ZNF407: variants seen among roughly 807,000 people sequenced by gnomAD.
ZNF407 encodes zinc finger protein 407.
Under a neutral mutation model 131.2 loss-of-function variants are expected in ZNF407, and 17 were observed. That is an observed-to-expected ratio of 0.13 (90% CI 0.09 to 0.19). The LOEUF is 0.19. Ranked by LOEUF, ZNF407 falls within the 10% of genes least tolerant of loss-of-function variation. ZNF407 has a pLI of 1.00. For missense variants in ZNF407, 2,681 were observed against 2,830.6 expected (o/e 0.95, Z 1.20); for synonymous variants, 1,156 against 1,062.0 (o/e 1.09, Z -1.72).
At chr18:74,711,861 CCACCA>C (rs1016758610) in intron 3 of ZNF407, among the ~76,000 whole-genome samples, 1 of 152,070 alleles carries the variant, frequency 6.6e-6, no homozygotes, top group African/African-American at 2.4e-5. Flanking sequence ...CAGGCACGTG[CCACCA>C]CACCCGATTA....
intron 3 of ZNF407, among the ~76,000 whole-genome samples, chr18:74,717,606 G>T (rs17055464): frequency 6.6e-6 from 1 of 151,990 alleles, no homozygotes; most frequent in Non-Finnish European, 1.5e-5. Context: ...GATTTTATTC[G>T]CTTATGTTTG....
intron 5 of ZNF407, among the ~76,000 whole-genome samples, chr18:74,879,318 T>G (rs2896869): frequency 5.9e-5 from 9 of 152,002 alleles, no homozygotes; most frequent in Admixed American, 5.9e-4. Flanking sequence ...TTGAATGATA[T>G]GGCACAAACA....
chr18:74,777,635 T>C (rs894149779), intron 3 of ZNF407, among the ~76,000 whole-genome samples: 7 of 152,232 alleles, frequency 4.6e-5, no homozygotes, highest in Non-Finnish European at 5.9e-5. Flanking sequence ...ATTACAAATA[T>C]ATATCCCAAA....
chr18:74,728,869 T>A (rs1968224102), intron 3 of ZNF407, among the ~76,000 whole-genome samples: 1 of 152,154 alleles, frequency 6.6e-6, no homozygotes, highest in Non-Finnish European at 1.5e-5. Flanking sequence ...CTTAAGTGCC[T>A]GGGGAATTTT....
chr18:74,919,046 G>A (rs557254443), intron 7 of ZNF407, among the ~76,000 whole-genome samples: 25 of 152,298 alleles, frequency 1.6e-4, no homozygotes, highest in African/African-American at 5.5e-4. Context: ...GAACACGTTT[G>A]CGTTTCAGCT....
At chr18:74,923,522 GT>G (rs1330588775) in intron 8 of ZNF407, among the ~76,000 whole-genome samples, 1 of 152,094 alleles carries the variant, frequency 6.6e-6, no homozygotes, top group Non-Finnish European at 1.5e-5. Flanking sequence ...CGGTTACAAT[GT>G]TTAGTTTGTT....
At chr18:74,910,105 A>T (rs576209188) in intron 7 of ZNF407, among the ~76,000 whole-genome samples, 15 of 152,322 alleles carry the variant, frequency 9.8e-5, no homozygotes, top group Admixed American at 3.9e-4. Flanking sequence ...TAGTGACAAC[A>T]TCATTTTTGG....
At chr18:74,829,921 G>A (rs1033445968) in intron 4 of ZNF407, among the ~76,000 whole-genome samples, 2 of 151,872 alleles carry the variant, frequency 1.3e-5, no homozygotes, top group Non-Finnish European at 2.9e-5. Context: ...CCTAATTCCC[G>A]TTGTGACTGT....
chr18:74,784,215 C>G (rs1252757102), intron 4 of ZNF407, among the ~76,000 whole-genome samples: 3 of 152,242 alleles, frequency 2.0e-5, no homozygotes, highest in Non-Finnish European at 2.9e-5. Context: ...TTTAATTTCT[C>G]CAGGACAGTA....
intron 3 of ZNF407, among the ~76,000 whole-genome samples, chr18:74,739,048 A>G (rs1968486770): frequency 6.6e-6 from 1 of 152,000 alleles, no homozygotes; most frequent in Non-Finnish European, 1.5e-5. Context: ...GCTTTTTTTT[A>G]GTGCCAGTAA....
rs375779488 is a variant in ZNF407, at chr18:74,924,585, T to TA, written c.5428+3894dup. On this transcript the variant is annotated intron_variant, in intron 8 of 8. Coordinates refer to ENST00000299687, the MANE Select transcript of ZNF407 (RefSeq NM_017757.3). ...GTTGCCCATCCATAAATAAGCTTGG[T>TA]ACTCATTCACTACATTTGGACAAAG... is the stretch of plus-strand genomic sequence containing the variant. 3.8e-3 allele frequency among the ~76,000 whole-genome samples: 585 copies of TA among 152,314 alleles called. 10 individuals carry two copies. The highest frequency in any genetic ancestry group is 0.013 in the African/African-American group (557 of 41,568).
At chr18:74,990,288 C>T (rs1972703606) in intron 8 of ZNF407, among the ~76,000 whole-genome samples, 1 of 152,168 alleles carries the variant, frequency 6.6e-6, no homozygotes, top group South Asian at 2.1e-4. Context: ...GTAACTTACC[C>T]TAGCTCAACC....
chr18:74,701,240 C>T (rs955693175), intron 3 of ZNF407, among the ~76,000 whole-genome samples: 3 of 152,046 alleles, frequency 2.0e-5, no homozygotes, highest in African/African-American at 2.4e-5. Flanking sequence ...TAGGGCAGCC[C>T]GAGCAGACTG....
intron 8 of ZNF407, among the ~76,000 whole-genome samples, chr18:74,952,583 A>G (rs1400004441): frequency 2.0e-5 from 3 of 152,328 alleles, no homozygotes; most frequent in East Asian, 3.9e-4. Flanking sequence ...GAGGAAGACA[A>G]CCAGAGAGAA....
chr18:74,714,840 G>C (rs1967854526), intron 3 of ZNF407, among the ~76,000 whole-genome samples: 1 of 152,088 alleles, frequency 6.6e-6, no homozygotes, highest in Non-Finnish European at 1.5e-5. Flanking sequence ...AGAACAGTCT[G>C]ACATAAGGAG....
chr18:74,609,335 G>A (rs1982952066), intron 1 of ZNF407, among the ~76,000 whole-genome samples: 1 of 152,160 alleles, frequency 6.6e-6, no homozygotes. Context: ...TACAAACCTA[G>A]ATGGTGCAGC....
intron 4 of ZNF407, among the ~76,000 whole-genome samples, chr18:74,864,370 A>G (rs17055778): frequency 0.11 from 16,097 of 152,236 alleles, 1,030 homozygotes; most frequent in Middle Eastern, 0.23. Context: ...ACTGACATGT[A>G]GAAATTAAGG....
At chr18:74,682,948 T>A (rs559354097) in intron 3 of ZNF407, among the ~76,000 whole-genome samples, 1 of 152,350 alleles carries the variant, frequency 6.6e-6, no homozygotes, top group African/African-American at 2.4e-5. Flanking sequence ...CTGGAAGAGA[T>A]ACGCGGCAGG....
rs1023220085 is a variant in ZNF407, at chr18:74,650,536, C to G, written c.4802+9414C>G. Among the ~76,000 whole-genome samples, 5 of 152,130 alleles carry G rather than the reference C, an allele frequency of 3.3e-5. 1 individual carries two copies. Among genetic ancestry groups the G allele is most frequent in the Non-Finnish European group, 7.4e-5 (5 of 68,016 alleles). ...GTGTTGGTGTAGTTCAGCAGACATC[C>G]TGTTAGTCACTCTTTCTAGGTAGTT... is the stretch of plus-strand genomic sequence containing the variant. On this transcript the variant is annotated intron_variant, in intron 3 of 8. Coordinates refer to ENST00000299687, the MANE Select transcript of ZNF407 (RefSeq NM_017757.3).
Sources: gnomAD v4.1 joint callset for allele counts (sites outside exome capture counted in the v4.1 genomes callset) on GRCh38, gnomAD v4.1.1 for gene constraint, MANE v1.5 for transcripts, NCBI Gene and HGNC (gene_info 2026-07-23, HGNC 2026-07-21) for gene names.